The following PDE1A variants were observed in gnomAD, a reference collection of about 807,000 sequenced individuals.
PDE1A encodes the protein phosphodiesterase 1A.
In PDE1A, 35 loss-of-function variants were observed where a neutral mutation model predicts 61.7. That is an observed-to-expected ratio of 0.57 (90% CI 0.43 to 0.75). The LOEUF (loss-of-function observed/expected upper bound fraction) is 0.75. Among genes scored for constraint, PDE1A ranks in the 30% least tolerant of loss-of-function variants. The probability of loss-of-function intolerance (pLI) is 0.00; values close to 1 mark genes in which losing one functional copy is unlikely to be tolerated. For synonymous variants in PDE1A, 232 were observed against 213.2 expected (o/e 1.09, Z -0.77); for missense variants, 597 against 630.6 (o/e 0.95, Z 0.57).
chr2:182,514,021 T>C (rs1471227808), intron 2 of PDE1A, among the ~76,000 whole-genome samples: 2 of 152,048 alleles, frequency 1.3e-5, no homozygotes, highest in East Asian at 1.9e-4. Flanking sequence ...CCACAGCATT[T>C]CTATACACCA....
intron 6 of PDE1A, among the ~76,000 whole-genome samples, chr2:182,229,082 AT>A (rs1349866632): frequency 6.6e-6 from 1 of 152,038 alleles, no homozygotes; most frequent in African/African-American, 2.4e-5. Context: ...GATTTTCTCT[AT>A]TTACCAATTA....
At chr2:182,499,360 T>C (rs534908696) in intron 2 of PDE1A, among the ~76,000 whole-genome samples, 5 of 151,924 alleles carry the variant, frequency 3.3e-5, no homozygotes, top group African/African-American at 1.2e-4. Flanking sequence ...GTATTTTCAG[T>C]AGAGACAGGG....
rs546605737 is a variant in PDE1A, at chr2:182,324,698, T to A, written c.54-60284A>T. ...GCACACGCTCATCCCACGTCTGTAC[T>A]CCTTTGTGATGTCTCTTGGAACTTG... On this transcript the variant is annotated intron_variant, in intron 1 of 13. Transcript: ENST00000351439. Among the ~76,000 whole-genome samples the A allele has an allele frequency of 1.1e-4, 16 of 152,324 alleles. No individual in the cohort carries two copies. In the East Asian group the frequency reaches 3.1e-3, roughly 29 times the overall value.
chr2:182,558,654 T>C, the PDE1A span, among the ~76,000 whole-genome samples: 2 of 152,324 alleles, frequency 1.3e-5, no homozygotes, highest in Non-Finnish European at 2.9e-5. Context: ...GTGAAACAGC[T>C]AACAGTTCTT....
the PDE1A span, among the ~76,000 whole-genome samples, chr2:182,583,683 T>C: frequency 1.3e-5 from 2 of 152,240 alleles, no homozygotes; most frequent in Admixed American, 1.3e-4. Context: ...AAGTCTTCCT[T>C]GCCTGTTTAA....
chr2:182,619,340 C>A, the PDE1A span, among the ~76,000 whole-genome samples: 4 of 152,066 alleles, frequency 2.6e-5, no homozygotes, highest in Admixed American at 2.0e-4. Context: ...CAGAAAAACG[C>A]TATAGATCCC....
Position 182,378,133 on chromosome 2 carries a change from A to T in PDE1A, c.53+48445T>A, listed in dbSNP as rs375369619. Among the ~76,000 whole-genome samples, 23 of 152,336 alleles carry T rather than the reference A, an allele frequency of 1.5e-4. No individual in the cohort carries two copies. The East Asian group carries it at 3.9e-3, about 26-fold the overall frequency. On this transcript the variant is annotated intron_variant, in intron 1 of 13. Transcript: ENST00000351439. ...AGTGCTGGGATTACAGGCGTGAGCC[A>T]CCGTGCCCGGCCCAGACATTTTTTA...
the PDE1A span, among the ~76,000 whole-genome samples, chr2:182,643,969 T>C: frequency 0.4 from 60,307 of 151,842 alleles, 13,532 homozygotes; most frequent in Admixed American, 0.55. Flanking sequence ...TAGCTTATGA[T>C]GGATGATACA....
chr2:182,170,028 T>G lies in PDE1A; in HGVS notation c.1517-1738A>C, dbSNP rs16822784. Reference sequence around the variant, plus strand: ...TACTTAAAATATCCTTAAGTTATGCTGCTGTCAGAATCCTTCCATCAGTAG... The same window carrying G: ...TACTTAAAATATCCTTAAGTTATGCGGCTGTCAGAATCCTTCCATCAGTAG... On this transcript the variant is annotated intron_variant, in intron 13 of 13. Transcript: ENST00000351439. 8.6e-3 allele frequency among the ~76,000 whole-genome samples: 1,301 copies of G among 151,996 alleles called. 10 individuals are homozygous for G. The highest frequency in any genetic ancestry group is 0.011 in the Non-Finnish European group (741 of 67,940).
At chr2:182,151,913 A>C (rs567442262) in intron 13 of PDE1A, among the ~76,000 whole-genome samples, 4 of 152,324 alleles carry the variant, frequency 2.6e-5, no homozygotes, top group African/African-American at 4.8e-5. Context: ...GAAAGACATG[A>C]TTAGAGGGGT....
At chr2:182,664,410 A>G in the PDE1A span, among the ~76,000 whole-genome samples, 2 of 152,328 alleles carry the variant, frequency 1.3e-5, no homozygotes, top group South Asian at 4.1e-4. Context: ...GGAAAACCAC[A>G]TGGCTATAAA....
intron 3 of PDE1A, among the ~76,000 whole-genome samples, chr2:182,238,350 G>A (rs1327822441): frequency 6.6e-6 from 1 of 151,964 alleles, no homozygotes; most frequent in African/African-American, 2.4e-5. Flanking sequence ...GGAATGGCTT[G>A]GTTGGGGTGG....
At chr2:182,247,121 GCCT>G (rs1470118995) in intron 2 of PDE1A, among the ~76,000 whole-genome samples, 6 of 151,920 alleles carry the variant, frequency 3.9e-5, no homozygotes, top group Non-Finnish European at 8.8e-5. Context: ...CTCCTTCATT[GCCT>G]TTAGATTAAG....
chr2:182,291,079 C>T (rs1406972213), intron 1 of PDE1A, among the ~76,000 whole-genome samples: 1 of 152,056 alleles, frequency 6.6e-6, no homozygotes, highest in Non-Finnish European at 1.5e-5. Context: ...CTCTTCTTTC[C>T]TGCAGCCACA....
At chr2:182,332,149 G>T (rs1278631188) in intron 1 of PDE1A, among the ~76,000 whole-genome samples, 1 of 152,012 alleles carries the variant, frequency 6.6e-6, no homozygotes, top group Non-Finnish European at 1.5e-5. Flanking sequence ...TTCAGCTACT[G>T]ATACTTGTGT....
intron 11 of PDE1A, among the ~76,000 whole-genome samples, chr2:182,187,257 A>C (rs565746017): frequency 4.9e-4 from 74 of 152,344 alleles, no homozygotes; most frequent in African/African-American, 1.7e-3. Flanking sequence ...TCAGTACTGA[A>C]TGAAGACTTT....
chr2:182,186,090 C>A lies in PDE1A; in HGVS notation c.1329-11G>T. ...ACAATGGTGGTTGAGCTAACAGTAA[C>A]AACCAAAGAAACCAAAAAACACCAT... is the stretch of plus-strand genomic sequence containing the variant. On this transcript the variant is annotated splice_polypyrimidine_tract_variant and intron_variant, in intron 12 of 13. Coordinates refer to ENST00000351439, the Ensembl canonical transcript of PDE1A. 1 of 1,610,378 alleles carries A rather than the reference C, an allele frequency of 6.2e-7. No homozygotes were observed. Among genetic ancestry groups the A allele is most frequent in the East Asian group, 2.2e-5 (1 of 44,792 alleles).
chr2:182,186,127 G>C (rs767111536), intron 12 of PDE1A, 48 bp from the exon 13 acceptor site: 3 of 1,582,846 alleles, frequency 1.9e-6, no homozygotes, highest in Non-Finnish European at 2.6e-6. Flanking sequence ...AGGATATGGG[G>C]TGAACAAGGA....
intron 1 of PDE1A, among the ~76,000 whole-genome samples, chr2:182,324,942 C>T (rs115966519): frequency 1.3e-5 from 2 of 151,020 alleles, no homozygotes; most frequent in Admixed American, 1.3e-4. Flanking sequence ...GAGGTAGACA[C>T]TATTACTCCT....
Sources: gnomAD v4.1 joint callset for allele counts (sites outside exome capture counted in the v4.1 genomes callset) on GRCh38, gnomAD v4.1.1 for gene constraint, MANE v1.5 for transcripts, NCBI Gene and HGNC (gene_info 2026-07-23, HGNC 2026-07-21) for gene names.